CEP350: variants seen among roughly 807,000 people sequenced by gnomAD.
CEP350 encodes the protein centrosome-associated protein 350.
In CEP350, 126 loss-of-function variants were observed where a neutral mutation model predicts 331.8. The ratio of observed to expected loss-of-function variants is 0.38; its 90% CI spans 0.33 to 0.44. CEP350 has a LOEUF of 0.44. Ranked by LOEUF, CEP350 falls within the 20% of genes least tolerant of loss-of-function variation. The pLI, the probability that CEP350 is intolerant of heterozygous loss-of-function variation, is 1.00. For missense variants in CEP350, 3,406 were observed against 3,634.6 expected (o/e 0.94, Z 1.62); for synonymous variants, 1,200 against 1,259.5 (o/e 0.95, Z 1.00).
intron 37 of CEP350, among the ~76,000 whole-genome samples, chr1:180,108,193 T>TTG (rs1661251562): frequency 6.6e-6 from 1 of 152,034 alleles, no homozygotes; most frequent in African/African-American, 2.4e-5. Context: ...TACATTTCAG[T>TTG]GGGGGCTGCA....
At chr1:180,040,208 T>C (rs184254595) in intron 17 of CEP350, among the ~76,000 whole-genome samples, 9 of 152,106 alleles carry the variant, frequency 5.9e-5, no homozygotes, top group African/African-American at 1.4e-4. Flanking sequence ...ACTCTGGACA[T>C]TTCCAGATGT....
chr1:180,069,281 A>G (rs1325237837), intron 27 of CEP350, among the ~76,000 whole-genome samples: 1 of 152,210 alleles, frequency 6.6e-6, no homozygotes, highest in Non-Finnish European at 1.5e-5. Context: ...TTGATCAAAA[A>G]GTTAAGCAAA....
Position 180,075,099 on chromosome 1 carries a change from TA to T in CEP350, c.5646del (p.Asp1883MetfsTer22). On this transcript the variant is annotated frameshift_variant, in exon 28 of 38. Coordinates refer to ENST00000367607, the MANE Select transcript of CEP350 (RefSeq NM_014810.5). LOFTEE classifies it high-confidence loss of function. The stretch of plus-strand genomic sequence containing the variant: ...GAGCTCCTAGAGTGGAAGCGACGTT[TA>T]GATGCAGAAGAAGCAGAAATTCGTC... ...AEELLEWKRRLDAEEAEIRQM... is the reference protein window; with the variant it reads ...AEELLEWKRRXDAEEAEIRQM... 1 of 1,613,602 alleles carries T rather than the reference TA, an allele frequency of 6.2e-7. No homozygotes were observed. Among genetic ancestry groups the T allele is most frequent in the Non-Finnish European group, 8.5e-7 (1 of 1,179,740 alleles).
At chr1:180,059,250 G>A (rs929477960) in intron 25 of CEP350, among the ~76,000 whole-genome samples, 11 of 152,156 alleles carry the variant, frequency 7.2e-5, no homozygotes, top group Non-Finnish European at 1.2e-4. Context: ...AGGTCTGGAA[G>A]GTCAAAACTA....
At chr1:179,961,031 G>A (rs1237304920) in intron 1 of CEP350, among the ~76,000 whole-genome samples, 2 of 151,948 alleles carry the variant, frequency 1.3e-5, no homozygotes, top group Non-Finnish European at 2.9e-5. Flanking sequence ...GCTCCCAAAG[G>A]TTGATTTTTT....
chr1:179,968,787 C>T (rs1227073201), intron 1 of CEP350: 7 of 676,022 alleles, frequency 1.0e-5, no homozygotes, highest in Non-Finnish European at 1.9e-5. Flanking sequence ...ATGGCATCTA[C>T]ATCATAAATC....
At chr1:179,978,404 T>G (rs865984678) in intron 1 of CEP350, among the ~76,000 whole-genome samples, 5 of 152,162 alleles carry the variant, frequency 3.3e-5, no homozygotes, top group African/African-American at 1.2e-4. Flanking sequence ...TTCAGTATCT[T>G]CTCTTCTGTC....
chr1:180,037,804 A>C (rs1163993532), intron 17 of CEP350, among the ~76,000 whole-genome samples: 1 of 151,976 alleles, frequency 6.6e-6, no homozygotes, highest in Non-Finnish European at 1.5e-5. Flanking sequence ...TGCCCGCCAC[A>C]GTGCCCGGCT....
intron 6 of CEP350, among the ~76,000 whole-genome samples, chr1:179,999,964 C>T (rs952270308): frequency 1.3e-5 from 2 of 151,926 alleles, no homozygotes; most frequent in African/African-American, 4.8e-5. Context: ...TTTTTTCTTC[C>T]TGGTATAAAT....
chr1:180,091,821 A>G (rs1358611832), intron 33 of CEP350, among the ~76,000 whole-genome samples: 12 of 150,748 alleles, frequency 8.0e-5, no homozygotes, highest in African/African-American at 2.2e-4. Flanking sequence ...AAATTGAGAC[A>G]CTATCTCAAA....
At chr1:179,998,725 T>A (rs1380120343) in intron 6 of CEP350, among the ~76,000 whole-genome samples, 1 of 152,152 alleles carries the variant, frequency 6.6e-6, no homozygotes. Context: ...CAGTTTCTTA[T>A]AGTCCTAAGG....
intron 28 of CEP350, among the ~76,000 whole-genome samples, chr1:180,076,934 A>G (rs1659255176): frequency 6.6e-6 from 1 of 152,220 alleles, no homozygotes; most frequent in Non-Finnish European, 1.5e-5. Flanking sequence ...TACCGTACTT[A>G]ATGATAAAAT....
chr1:180,022,757 A>C lies in CEP350; in HGVS notation c.3295A>C (p.Thr1099Pro). Reference protein sequence around the residue: ...STSRPLNATATPLSGVSYEDD... With the variant: ...STSRPLNATAPPLSGVSYEDD... ...ATCACGGCCTTTGAATGCCACCGCA[A>C]CTCCTCTAAGTGGTGTTTCATATGA... Residue 1099 changes from threonine (T) to proline (P), a missense_variant, in exon 13 of 38, where the codon ACT becomes CCT. Thr to Pro is a conservative substitution (Grantham distance 38). Coordinates refer to ENST00000367607, the MANE Select transcript of CEP350 (RefSeq NM_014810.5). The C allele has an allele frequency of 1.2e-5, 19 of 1,611,114 alleles. No homozygotes were observed. Among genetic ancestry groups the C allele is most frequent in the Non-Finnish European group, 1.4e-5 (17 of 1,178,512 alleles).
chr1:180,042,323 C>T (rs1284007121), intron 19 of CEP350, among the ~76,000 whole-genome samples: 1 of 152,162 alleles, frequency 6.6e-6, no homozygotes, highest in African/African-American at 2.4e-5. Context: ...GTCTTTTCTT[C>T]TATAACGTGG....
chr1:180,064,049 A>G (rs1283588382), intron 26 of CEP350, among the ~76,000 whole-genome samples: 1 of 152,218 alleles, frequency 6.6e-6, no homozygotes, highest in Admixed American at 6.5e-5. Flanking sequence ...ACTACCTGAA[A>G]GTGGGTGCCC....
chr1:180,050,758 T>G (rs902814535), intron 22 of CEP350, among the ~76,000 whole-genome samples: 3 of 150,770 alleles, frequency 2.0e-5, no homozygotes, highest in Non-Finnish European at 4.4e-5. Flanking sequence ...GAACAGATAC[T>G]TCATTGAAGA....
intron 10 of CEP350, 117 bp downstream of exon 10, chr1:180,014,622 C>A: frequency 1.1e-6 from 1 of 902,336 alleles, no homozygotes; most frequent in Non-Finnish European, 1.6e-6. Flanking sequence ...TTATAATAAT[C>A]ATGGCCTTCA....
Position 180,087,592 on chromosome 1 carries a change from T to C in CEP350, c.6300T>C (p.Phe2100=), listed in dbSNP as rs767965780. 4 of 1,542,038 alleles carry C rather than the reference T, an allele frequency of 2.6e-6. No individual in the cohort carries two copies. In the South Asian group the frequency reaches 4.8e-5, roughly 19 times the overall value. ...LIKQLESYDE[F]IKKTEAELSQ... The stretch of plus-strand genomic sequence containing the variant: ...TCTAAACTTAGTCATATGATGAATT[T>C]ATTAAGAAAACTGAAGCCGAGCTTA... The change falls in exon 32 of 38, where the codon TTT becomes TTC. Residue 2100 remains phenylalanine, a synonymous_variant. Coordinates refer to ENST00000367607, the MANE Select transcript of CEP350 (RefSeq NM_014810.5).
intron 15 of CEP350, among the ~76,000 whole-genome samples, chr1:180,032,900 G>A (rs957414612): frequency 1.3e-5 from 2 of 151,980 alleles, no homozygotes; most frequent in African/African-American, 4.8e-5. Context: ...ACATGAAATA[G>A]ACTGTTAGAA....
Sources: allele counts gnomAD v4.1 joint callset (sites outside exome capture counted in the v4.1 genomes callset), GRCh38; gene constraint gnomAD v4.1.1; transcripts MANE v1.5; gene names NCBI Gene and HGNC (gene_info 2026-07-23, HGNC 2026-07-21).